The following SCN2A variants were observed in gnomAD, a reference collection of about 807,000 sequenced individuals.
The protein encoded by SCN2A is sodium voltage-gated channel alpha subunit 2.
SCN2A carries 20 observed loss-of-function variants against 188.7 expected under a neutral mutation model. The observed-to-expected ratio is 0.11, with a 90% CI of 0.07 to 0.15. The LOEUF (loss-of-function observed/expected upper bound fraction) is 0.15. SCN2A is among the 10% of genes least tolerant of loss of function. The pLI is 1.00. For synonymous variants in SCN2A, 804 were observed against 833.1 expected (o/e 0.97, Z 0.60); for missense variants, 1,278 against 2,445.0 (o/e 0.52, Z 10.07).
In SCN2A at chr2:165,323,283, C is replaced by T. The variant is rs929115820; in HGVS notation, c.1799C>T (p.Thr600Ile). ...GACTTTGCTGATGATGAGCACAGCA[C>T]CTTTGAGGACAATGACAGCCGAAGA... ...ENDFADDEHS[T>I]FEDNDSRRDS... is the part of the protein sequence containing the mutation. Residue 600 changes from threonine to isoleucine, a missense_variant, in exon 12 of 27, where the codon ACC (threonine) becomes ATC (isoleucine). Physicochemically the swap from Thr to Ile is moderately conservative, Grantham distance 89. This residue lies in a region of SCN2A where 315 missense variants were observed against 386.6 expected (regional missense o/e 0.81). Transcript: ENST00000375437. 1 of 1,614,128 alleles carries T rather than the reference C, an allele frequency of 6.2e-7. No homozygotes were observed. Among genetic ancestry groups the T allele is most frequent in the Non-Finnish European group, 8.5e-7 (1 of 1,180,038 alleles).
intron 1 of SCN2A, among the ~76,000 whole-genome samples, chr2:165,241,822 G>A (rs763810468): frequency 2.0e-5 from 3 of 152,146 alleles, no homozygotes; most frequent in Admixed American, 6.6e-5. Context: ...GGGGCTCAGA[G>A]GAAAAGATTT....
At chr2:165,321,279 C>G (rs2105272662) in intron 11 of SCN2A, among the ~76,000 whole-genome samples, 1 of 152,306 alleles carries the variant, frequency 6.6e-6, no homozygotes, top group East Asian at 1.9e-4. Flanking sequence ...TCCATATTGC[C>G]ATCAGGCTTT....
At chr2:165,255,322 C>T (rs1694266399) in intron 1 of SCN2A, among the ~76,000 whole-genome samples, 1 of 151,844 alleles carries the variant, frequency 6.6e-6, no homozygotes, top group South Asian at 2.1e-4. Context: ...CCATCAGCCT[C>T]ATAAATGAAA....
rs527249259 is a variant in SCN2A, at chr2:165,289,718, G to A, written c.-51-6055G>A. ...AATTCTTTACTTACATCTACATTAT[G>A]CAAAAGTATCTTTGATGTGAAAAAA... is the stretch of plus-strand genomic sequence containing the variant. On this transcript the variant is annotated intron_variant, in intron 1 of 26. Transcript: ENST00000375437. Among the ~76,000 whole-genome samples the A allele has an allele frequency of 2.6e-4, 40 of 152,160 alleles. No homozygotes were observed. In the South Asian group the frequency reaches 3.5e-3, roughly 13 times the overall value.
intron 1 of SCN2A, chr2:165,285,476 G>A (rs2106127248): frequency 6.1e-6 from 1 of 163,056 alleles, no homozygotes; most frequent in South Asian, 1.7e-4. Context: ...AATACTACAA[G>A]CAGTATTTTT....
intron 1 of SCN2A, among the ~76,000 whole-genome samples, chr2:165,264,551 T>A (rs1420590891): frequency 6.6e-6 from 1 of 152,052 alleles, no homozygotes; most frequent in East Asian, 1.9e-4. Context: ...TACAGATGAT[T>A]TCATCACCTA....
intron 1 of SCN2A, chr2:165,268,044 A>G (rs893686079): frequency 3.3e-5 from 5 of 152,004 alleles, no homozygotes; most frequent in African/African-American, 4.8e-5. Flanking sequence ...AAATTCCTCA[A>G]AAAAGTAAAT....
intron 14 of SCN2A, among the ~76,000 whole-genome samples, chr2:165,335,485 C>T (rs1698941018): frequency 6.6e-6 from 1 of 151,644 alleles, no homozygotes; most frequent in Non-Finnish European, 1.5e-5. Context: ...AACAAGACCA[C>T]TAGACAATTT....
intron 1 of SCN2A, among the ~76,000 whole-genome samples, chr2:165,263,036 A>G (rs1694676225): frequency 1.3e-5 from 2 of 151,848 alleles, no homozygotes; most frequent in African/African-American, 4.8e-5. Flanking sequence ...CCATTTATAT[A>G]TCTTCTTTTG....
chr2:165,293,569 G>C (rs756859132), intron 1 of SCN2A, among the ~76,000 whole-genome samples: 6 of 152,050 alleles, frequency 3.9e-5, no homozygotes, highest in Non-Finnish European at 5.9e-5. Context: ...TAAAAAATAT[G>C]GTATTATAAT....
At chr2:165,264,049 G>T (rs946119555) in intron 1 of SCN2A, among the ~76,000 whole-genome samples, 3 of 152,000 alleles carry the variant, frequency 2.0e-5, no homozygotes, top group African/African-American at 7.2e-5. Flanking sequence ...TTGAATAAGT[G>T]TTTAGTGTTT....
chr2:165,245,885 T>C (rs1034074948), intron 1 of SCN2A, among the ~76,000 whole-genome samples: 2 of 152,190 alleles, frequency 1.3e-5, no homozygotes, highest in Admixed American at 1.3e-4. Context: ...AAATGACCTA[T>C]CAATTAGACA....
At chr2:165,330,256 T>C (rs1451580426) in intron 13 of SCN2A, among the ~76,000 whole-genome samples, 1 of 152,148 alleles carries the variant, frequency 6.6e-6, no homozygotes, top group Non-Finnish European at 1.5e-5. Context: ...GGTGGCCACA[T>C]TTTGGCAGAA....
At chr2:165,319,857 G>A (rs1035646613) in intron 11 of SCN2A, among the ~76,000 whole-genome samples, 1 of 152,122 alleles carries the variant, frequency 6.6e-6, no homozygotes. Flanking sequence ...AGATCTGGGT[G>A]GGGACACAGA....
chr2:165,362,709 G>C (rs1412771934), intron 17 of SCN2A, among the ~76,000 whole-genome samples: 1 of 152,022 alleles, frequency 6.6e-6, no homozygotes, highest in Non-Finnish European at 1.5e-5. Context: ...ATAGGGCCTA[G>C]AGTACGTGGC....
Position 165,340,697 on chromosome 2 carries a change from T to C in SCN2A, c.2389-1599T>C, listed in dbSNP as rs112631217. The stretch of plus-strand genomic sequence containing the variant: ...AGAGGGGTCTAGACAGAGAGAGTTC[T>C]GAATAAATCCAGTATCAAATGATTT... On this transcript the variant is annotated intron_variant, in intron 14 of 26. Coordinates refer to ENST00000375437, the MANE Select transcript of SCN2A (RefSeq NM_001040142.2). Among the ~76,000 whole-genome samples the C allele has an allele frequency of 9.6e-3, 1,465 of 152,318 alleles. 19 individuals carry two copies. The highest frequency in any genetic ancestry group is 0.033 in the African/African-American group (1,376 of 41,556).
intron 12 of SCN2A, among the ~76,000 whole-genome samples, chr2:165,325,214 A>G (rs994407395): frequency 4.6e-5 from 7 of 152,232 alleles, no homozygotes; most frequent in African/African-American, 1.7e-4. Context: ...AATAATTATC[A>G]TAAATCTCCT....
At chr2:165,295,409 A>G (rs1253560953) in intron 1 of SCN2A, among the ~76,000 whole-genome samples, 1 of 152,212 alleles carries the variant, frequency 6.6e-6, no homozygotes, top group Non-Finnish European at 1.5e-5. Context: ...ATTTTTTCAG[A>G]AAGAATGCTG....
At chr2:165,335,720 C>G (rs1698954925) in intron 14 of SCN2A, among the ~76,000 whole-genome samples, 1 of 151,486 alleles carries the variant, frequency 6.6e-6, no homozygotes, top group South Asian at 2.1e-4. Flanking sequence ...CAAAAGCACA[C>G]ACAATAGCAA....
Sources: allele counts gnomAD v4.1 joint callset (sites outside exome capture counted in the v4.1 genomes callset), GRCh38; gene constraint gnomAD v4.1.1; regional missense constraint gnomAD v4.1.1; transcripts MANE v1.5; gene names NCBI Gene and HGNC (gene_info 2026-07-23, HGNC 2026-07-21).